The following AGBL4 variants were observed in gnomAD, a reference collection of about 807,000 sequenced individuals.
The protein encoded by AGBL4 is cytosolic carboxypeptidase 6.
Under a neutral mutation model 66.4 loss-of-function variants are expected in AGBL4, and 58 were observed. The ratio of observed to expected loss-of-function variants is 0.87; its 90% CI spans 0.71 to 1.09. AGBL4 has a LOEUF of 1.09. AGBL4 is among the 50% of genes least tolerant of loss of function. The pLI, the probability that AGBL4 is intolerant of heterozygous loss-of-function variation, is 0.00. For missense variants in AGBL4, 579 were observed against 631.0 expected, an observed-to-expected ratio of 0.92 and a Z score of 0.88; for synonymous variants, 234 against 222.9, an observed-to-expected ratio of 1.05 and a Z score of -0.44.
At chr1:49,425,121 A>G (rs1158486616) in intron 3 of AGBL4, among the ~76,000 whole-genome samples, 1 of 152,222 alleles carries the variant, frequency 6.6e-6, no homozygotes, top group Non-Finnish European at 1.5e-5. Context: ...TAGTCATGGA[A>G]CAAGAAAACA....
chr1:49,097,829 C>T (rs910354280), intron 4 of AGBL4, among the ~76,000 whole-genome samples: 2 of 152,240 alleles, frequency 1.3e-5, no homozygotes, highest in African/African-American at 4.8e-5. Flanking sequence ...AATCTGCCCA[C>T]CATGGCCTCC....
At chr1:49,563,704 G>T (rs1219649075) in intron 3 of AGBL4, among the ~76,000 whole-genome samples, 1 of 152,058 alleles carries the variant, frequency 6.6e-6, no homozygotes, top group East Asian at 1.9e-4. Context: ...TGCTGGATTT[G>T]GTTTGCCAGT....
intron 2 of AGBL4, among the ~76,000 whole-genome samples, chr1:49,836,181 G>T (rs562978426): frequency 7.9e-4 from 120 of 152,168 alleles, no homozygotes; most frequent in Non-Finnish European, 1.3e-3. Context: ...TTTCCAACTT[G>T]GTTCCATTCT....
intron 4 of AGBL4, among the ~76,000 whole-genome samples, chr1:49,049,952 T>C (rs17105428): frequency 0.027 from 4,184 of 152,182 alleles, 168 homozygotes; most frequent in African/African-American, 0.095. Flanking sequence ...AACAATCCTC[T>C]GAAGTTATTC....
intron 2 of AGBL4, among the ~76,000 whole-genome samples, chr1:49,822,992 T>C (rs989026826): frequency 4.6e-5 from 7 of 152,224 alleles, no homozygotes; most frequent in African/African-American, 7.2e-5. Flanking sequence ...CCTCTTTTAA[T>C]TGTTCTCCTC....
At chr1:49,411,332 C>T (rs1034629944) in intron 3 of AGBL4, among the ~76,000 whole-genome samples, 5 of 152,202 alleles carry the variant, frequency 3.3e-5, no homozygotes, top group Non-Finnish European at 7.3e-5. Flanking sequence ...CTCCTGCCTA[C>T]TTTGTTCTAG....
At chr1:49,087,114 G>A (rs1477955161) in intron 4 of AGBL4, among the ~76,000 whole-genome samples, 1 of 151,764 alleles carries the variant, frequency 6.6e-6, no homozygotes, top group Non-Finnish European at 1.5e-5. Flanking sequence ...CAAATACTGA[G>A]GGAACATCAG....
chr1:50,008,400 C>T (rs1034913646), intron 1 of AGBL4, among the ~76,000 whole-genome samples: 1 of 152,106 alleles, frequency 6.6e-6, no homozygotes, highest in African/African-American at 2.4e-5. Flanking sequence ...AAATTAAACA[C>T]TGCTCCTAAA....
At chr1:49,970,708 A>ACACAC (rs1657992273) in intron 1 of AGBL4, among the ~76,000 whole-genome samples, 170 of 114,016 alleles carry the variant, frequency 1.5e-3, no homozygotes, top group African/African-American at 5.2e-3. Context: ...AAAAAAACAA[A>ACACAC]ACACACACAC....
At chr1:49,933,991 G>A (rs1653653347) in intron 1 of AGBL4, among the ~76,000 whole-genome samples, 1 of 152,036 alleles carries the variant, frequency 6.6e-6, no homozygotes, top group South Asian at 2.1e-4. Flanking sequence ...CAAGATCCAA[G>A]TATATGTTGT....
intron 4 of AGBL4, among the ~76,000 whole-genome samples, chr1:49,110,997 T>TC (rs917969349): frequency 6.6e-6 from 1 of 151,936 alleles, no homozygotes; most frequent in African/African-American, 2.4e-5. Context: ...GTAAGCCTCC[T>TC]CCCCCCAAAA....
At chr1:49,381,548 T>C (rs1447844885) in intron 3 of AGBL4, among the ~76,000 whole-genome samples, 1 of 152,140 alleles carries the variant, frequency 6.6e-6, no homozygotes, top group Non-Finnish European at 1.5e-5. Flanking sequence ...CATGCACACA[T>C]ATGTTTATTA....
chr1:48,800,269 T>G (rs952294857), intron 6 of AGBL4, among the ~76,000 whole-genome samples: 2 of 152,194 alleles, frequency 1.3e-5, no homozygotes, highest in Non-Finnish European at 2.9e-5. Context: ...TCCTCTAGGT[T>G]TTCTAGTTTT....
chr1:49,723,007 C>A (rs1037040575), intron 2 of AGBL4, among the ~76,000 whole-genome samples: 7 of 152,112 alleles, frequency 4.6e-5, no homozygotes, highest in Non-Finnish European at 8.8e-5. Context: ...TCGCCACCAA[C>A]AGTTTATAAA....
chr1:49,680,049 CTTTTTTTTT>C (rs61150148), intron 3 of AGBL4, among the ~76,000 whole-genome samples: 2 of 118,088 alleles, frequency 1.7e-5, no homozygotes, highest in Non-Finnish European at 3.5e-5. Context: ...TTCTTCTTCC[CTTTTTTTTT>C]TTTTTTTTTT....
At chr1:49,646,773 G>C (rs543428468) in intron 3 of AGBL4, among the ~76,000 whole-genome samples, 1 of 152,036 alleles carries the variant, frequency 6.6e-6, no homozygotes, top group Non-Finnish European at 1.5e-5. Context: ...CTGGTTTCAA[G>C]ATTTACAGTC....
At chr1:49,222,557 T>G (rs1313656056) in intron 4 of AGBL4, among the ~76,000 whole-genome samples, 1 of 152,186 alleles carries the variant, frequency 6.6e-6, no homozygotes, top group Non-Finnish European at 1.5e-5. Flanking sequence ...CCATGGCCAG[T>G]GATATCAGTG....
chr1:49,367,778 A>C (rs1644267602), intron 3 of AGBL4, among the ~76,000 whole-genome samples: 1 of 152,192 alleles, frequency 6.6e-6, no homozygotes, highest in African/African-American at 2.4e-5. Flanking sequence ...ACACAAAATA[A>C]ATTTACCATT....
At chr1:49,792,739 C>T (rs981765266) in intron 2 of AGBL4, among the ~76,000 whole-genome samples, 11 of 152,128 alleles carry the variant, frequency 7.2e-5, no homozygotes, top group Non-Finnish European at 1.3e-4. Flanking sequence ...TACTCAATCA[C>T]ACATACCCAT....
Sources: allele counts gnomAD v4.1 joint callset (sites outside exome capture counted in the v4.1 genomes callset), GRCh38; gene constraint gnomAD v4.1.1; transcripts MANE v1.5; gene names NCBI Gene and HGNC (gene_info 2026-07-23, HGNC 2026-07-21).